Variants in NRXN3 observed in about 807,000 individuals in gnomAD.
The protein encoded by NRXN3 is neurexin III.
In NRXN3, 32 loss-of-function variants were observed where a neutral mutation model predicts 137.6. That is an observed-to-expected ratio of 0.23 (90% confidence interval 0.18 to 0.31). NRXN3 has a LOEUF of 0.31. NRXN3 is among the 10% of genes least tolerant of loss of function. The pLI, the probability that NRXN3 is intolerant of heterozygous loss-of-function variation, is 1.00. For synonymous variants in NRXN3, 798 were observed against 784.5 expected, an observed-to-expected ratio of 1.02 and a Z score of -0.29; for missense variants, 1,574 against 2,062.5, an observed-to-expected ratio of 0.76 and a Z score of 4.59.
intron 16 of NRXN3, 24 bp from the exon 17 acceptor site, chr14:79,663,754 G>T: frequency 6.2e-7 from 1 of 1,606,800 alleles, no homozygotes; most frequent in Non-Finnish European, 8.5e-7. Context: ...TGATAACTAT[G>T]CCTTTTGTGT....
chr14:78,814,825 G>C (rs2098926789), intron 10 of NRXN3, among the ~76,000 whole-genome samples: 1 of 152,122 alleles, frequency 6.6e-6, no homozygotes, highest in Admixed American at 6.5e-5. Context: ...GACCTTGTCT[G>C]ATTGTGCCTT....
chr14:79,424,516 C>G (rs543517032), intron 15 of NRXN3, among the ~76,000 whole-genome samples: 11 of 152,144 alleles, frequency 7.2e-5, no homozygotes, highest in Admixed American at 2.6e-4. Flanking sequence ...ATTTAAAATT[C>G]ACATTAACTA....
chr14:79,437,304 T>G (rs1324347302), intron 15 of NRXN3, among the ~76,000 whole-genome samples: 1 of 152,150 alleles, frequency 6.6e-6, no homozygotes, highest in African/African-American at 2.4e-5. Flanking sequence ...AATATCTTTG[T>G]CCCAACTTCA....
At chr14:78,945,646 A>G (rs2099363668) in intron 10 of NRXN3, among the ~76,000 whole-genome samples, 1 of 152,220 alleles carries the variant, frequency 6.6e-6, no homozygotes, top group Non-Finnish European at 1.5e-5. Context: ...AGTTTTCTCA[A>G]GGGTAAAATG....
intron 4 of NRXN3, among the ~76,000 whole-genome samples, chr14:78,451,588 G>T (rs147728523): frequency 2.6e-5 from 4 of 152,118 alleles, no homozygotes; most frequent in African/African-American, 9.7e-5. Flanking sequence ...CTCCCTTCCC[G>T]TATAGATAGC....
intron 6 of NRXN3, among the ~76,000 whole-genome samples, chr14:78,663,064 C>T (rs1170578404): frequency 6.6e-6 from 1 of 152,162 alleles, no homozygotes; most frequent in African/African-American, 2.4e-5. Context: ...GAGCTGGATT[C>T]TATGATCATT....
intron 15 of NRXN3, among the ~76,000 whole-genome samples, chr14:79,217,917 T>C (rs939317262): frequency 6.6e-6 from 1 of 152,174 alleles, no homozygotes; most frequent in Non-Finnish European, 1.5e-5. Flanking sequence ...ATCAATAAGA[T>C]CTAAATTCTA....
At chr14:78,432,656 A>G (rs67985811) in intron 4 of NRXN3, among the ~76,000 whole-genome samples, 5 of 152,090 alleles carry the variant, frequency 3.3e-5, no homozygotes, top group Non-Finnish European at 7.4e-5. Flanking sequence ...GTTTTAAGTT[A>G]TATTGTCTTC....
intron 4 of NRXN3, among the ~76,000 whole-genome samples, chr14:78,585,417 C>T (rs1007716659): frequency 1.3e-5 from 2 of 152,046 alleles, no homozygotes; most frequent in East Asian, 1.9e-4. Flanking sequence ...GGGAGTGAGA[C>T]GGAGCCATGG....
intron 8 of NRXN3, among the ~76,000 whole-genome samples, chr14:78,778,488 T>A (rs1206525945): frequency 2.0e-5 from 3 of 152,166 alleles, no homozygotes; most frequent in Admixed American, 2.0e-4. Context: ...TTAGAAAAAA[T>A]TTTGAGGAAT....
chr14:79,250,883 A>G (rs186673711), intron 15 of NRXN3, among the ~76,000 whole-genome samples: 1 of 152,332 alleles, frequency 6.6e-6, no homozygotes, highest in Non-Finnish European at 1.5e-5. Context: ...AGAAAGAATC[A>G]TTTTATTTAT....
At chr14:79,143,568 T>C (rs1305459186) in intron 15 of NRXN3, among the ~76,000 whole-genome samples, 2 of 152,236 alleles carry the variant, frequency 1.3e-5, no homozygotes, top group Admixed American at 6.5e-5. Context: ...AACACCATTA[T>C]GGGAAAACAA....
chr14:78,770,327 G>A (rs2098723046), intron 8 of NRXN3, among the ~76,000 whole-genome samples: 1 of 152,170 alleles, frequency 6.6e-6, no homozygotes, highest in Non-Finnish European at 1.5e-5. Flanking sequence ...GACTTCTGAG[G>A]GAATTCAGCT....
intron 1 of NRXN3, among the ~76,000 whole-genome samples, chr14:78,173,861 G>A (rs1001840378): frequency 4.0e-5 from 6 of 151,542 alleles, no homozygotes; most frequent in African/African-American, 1.2e-4. Context: ...ATACACAGGC[G>A]CCAAGGGCTT....
At chr14:79,855,037 C>G (rs536636767) in intron 20 of NRXN3, among the ~76,000 whole-genome samples, 9 of 152,286 alleles carry the variant, frequency 5.9e-5, no homozygotes, top group African/African-American at 2.2e-4. Context: ...TTTCCTTTGT[C>G]TCTTCTCCTT....
At chr14:79,222,389 G>T (rs2069924260) in intron 15 of NRXN3, among the ~76,000 whole-genome samples, 1 of 152,036 alleles carries the variant, frequency 6.6e-6, no homozygotes, top group African/African-American at 2.4e-5. Flanking sequence ...ATGTTCCCTT[G>T]TCTGGATGTA....
At chr14:79,696,757 T>C (rs181882161) in intron 18 of NRXN3, among the ~76,000 whole-genome samples, 1 of 152,072 alleles carries the variant, frequency 6.6e-6, no homozygotes, top group Admixed American at 6.6e-5. Context: ...AGTGAACTAT[T>C]GATATTCTTC....
At position 79,697,770 on chromosome 14, in the gene NRXN3, A is replaced by G. The variant is rs763148618; in HGVS notation, c.3847A>G (p.Asn1283Asp). The change falls in exon 19 of 21, where the codon AAT (asparagine) becomes GAT (aspartate). Residue 1283 changes from asparagine (N) to aspartate (D), a missense_variant. Physicochemically the swap from Asn to Asp is conservative, Grantham distance 23 (BLOSUM62 1). Around this residue, in one of 5 missense-constraint regions of NRXN3, gnomAD observed 320 missense variants for 387.1 expected, o/e 0.83. Transcript: ENST00000335750. ...VLNMAAENNP[N>D]IKINGSVRLV... ...GAACATGGCGGCTGAGAACAACCCC[A>G]ATATTAAAATCAATGGAAGTGTTCG... The G allele has an allele frequency of 1.4e-5, 23 of 1,613,096 alleles. No homozygotes were observed. The East Asian group carries it at 1.6e-4, about 11-fold the overall frequency.
intron 10 of NRXN3, among the ~76,000 whole-genome samples, chr14:78,844,409 A>G (rs1236939137): frequency 6.6e-6 from 1 of 152,048 alleles, no homozygotes; most frequent in Non-Finnish European, 1.5e-5. Flanking sequence ...ACAGGGACTC[A>G]TCTTTTCCAG....
Sources: gnomAD v4.1 joint callset for allele counts (sites outside exome capture counted in the v4.1 genomes callset) on GRCh38, gnomAD v4.1.1 for gene constraint, gnomAD v4.1.1 regional missense constraint, MANE v1.5 for transcripts, NCBI Gene and HGNC (gene_info 2026-07-23, HGNC 2026-07-21) for gene names.